SCARA3: variants seen among roughly 807,000 people sequenced by gnomAD.
SCARA3 encodes the protein cellular stress response gene protein.
SCARA3 carries 39 observed loss-of-function variants against 47.0 expected under a neutral mutation model. The observed-to-expected ratio is 0.83, with a 90% CI of 0.64 to 1.08. The LOEUF (loss-of-function observed/expected upper bound fraction) is 1.08. Ranked by LOEUF, SCARA3 falls within the 50% of genes least tolerant of loss-of-function variation. SCARA3 has a pLI of 0.00. For missense variants in SCARA3, 724 were observed against 792.3 expected (o/e 0.91, Z 1.04); for synonymous variants, 356 against 334.1 (o/e 1.07, Z -0.71).
intron 5 of SCARA3, among the ~76,000 whole-genome samples, chr8:27,669,510 C>T (rs570613706): frequency 6.6e-6 from 1 of 152,358 alleles, no homozygotes; most frequent in Non-Finnish European, 1.5e-5. Context: ...CTCCTGCAGG[C>T]CAAGGGCATC....
chr8:27,717,151 G>C, the SCARA3 span, among the ~76,000 whole-genome samples: 1 of 152,120 alleles, frequency 6.6e-6, no homozygotes, highest in African/African-American at 2.4e-5. Context: ...AACCTGACTG[G>C]GTACTTTGCT....
chr8:27,684,685 G>A, the SCARA3 span, among the ~76,000 whole-genome samples: 1 of 150,236 alleles, frequency 6.7e-6, no homozygotes. Flanking sequence ...AAAAGGAAAA[G>A]GAAAAGAAGA....
intron 3 of SCARA3, among the ~76,000 whole-genome samples, chr8:27,656,538 C>A (rs1198206254): frequency 1.3e-5 from 2 of 151,996 alleles, no homozygotes; most frequent in Non-Finnish European, 2.9e-5. Flanking sequence ...TTCCCTGTTC[C>A]ATTCTGTGAT....
chr8:27,646,978 C>CCA (rs1554537184), intron 1 of SCARA3, among the ~76,000 whole-genome samples: 2 of 110,492 alleles, frequency 1.8e-5, no homozygotes, highest in Non-Finnish European at 3.9e-5. Flanking sequence ...CCCCGCCCCC[C>CCA]CCCCGCACAC....
chr8:27,675,723 G>A (rs567978922), downstream of SCARA3, among the ~76,000 whole-genome samples: 4 of 152,304 alleles, frequency 2.6e-5, no homozygotes, highest in East Asian at 7.7e-4. Flanking sequence ...CTGGGAAGTG[G>A]AGGTTGCAGT....
chr8:27,637,354 G>T (rs184711467), intron 1 of SCARA3, among the ~76,000 whole-genome samples: 2 of 152,246 alleles, frequency 1.3e-5, no homozygotes, highest in Non-Finnish European at 2.9e-5. Flanking sequence ...CCACTGGCTT[G>T]TCCAAGCCAT....
chr8:27,642,776 A>G (rs1264065576), intron 1 of SCARA3, among the ~76,000 whole-genome samples: 2 of 152,202 alleles, frequency 1.3e-5, no homozygotes, highest in East Asian at 3.8e-4. Flanking sequence ...CTGAGCCATG[A>G]TCGCACCACA....
the SCARA3 span, among the ~76,000 whole-genome samples, chr8:27,712,315 G>A: frequency 2.6e-5 from 4 of 152,096 alleles, no homozygotes; most frequent in African/African-American, 4.8e-5. Flanking sequence ...TGTAATCCCA[G>A]CACTTTGGGA....
At chr8:27,655,833 T>C (rs1210677746) in intron 3 of SCARA3, among the ~76,000 whole-genome samples, 1 of 152,198 alleles carries the variant, frequency 6.6e-6, no homozygotes, top group Admixed American at 6.5e-5. Context: ...TTAAAGTGAT[T>C]TAACCCTGGA....
chr8:27,667,547 G>A (rs1385423398), intron 5 of SCARA3, among the ~76,000 whole-genome samples: 1 of 152,206 alleles, frequency 6.6e-6, no homozygotes, highest in African/African-American at 2.4e-5. Context: ...TCTCGGGTCT[G>A]GATTGGAATC....
chr8:27,689,455 A>G, the SCARA3 span, among the ~76,000 whole-genome samples: 11 of 152,086 alleles, frequency 7.2e-5, no homozygotes, highest in Non-Finnish European at 8.8e-5. Context: ...CACTGACCCA[A>G]CGCGATGCTG....
intron 1 of SCARA3, among the ~76,000 whole-genome samples, chr8:27,649,454 C>T (rs1214638199): frequency 6.6e-6 from 1 of 152,218 alleles, no homozygotes; most frequent in East Asian, 1.9e-4. Context: ...ACTGAGGTGG[C>T]CCATGTGTCT....
the SCARA3 span, among the ~76,000 whole-genome samples, chr8:27,726,817 A>G: frequency 0.46 from 69,455 of 151,922 alleles, 16,049 homozygotes; most frequent in East Asian, 0.62. Context: ...ATGCGGTCTC[A>G]CTCTGTCACC....
At chr8:27,665,957 G>T (rs1802006888) in intron 5 of SCARA3, among the ~76,000 whole-genome samples, 1 of 152,230 alleles carries the variant, frequency 6.6e-6, no homozygotes, top group Admixed American at 6.5e-5. Flanking sequence ...AAAGGTAGAA[G>T]CCCAAGATGG....
the SCARA3 span, among the ~76,000 whole-genome samples, chr8:27,700,748 C>G: frequency 6.6e-6 from 1 of 152,102 alleles, no homozygotes; most frequent in East Asian, 1.9e-4. Flanking sequence ...CTCTGAGATA[C>G]CACTAGAATG....
chr8:27,679,093 T>A (rs143034008), downstream of SCARA3, among the ~76,000 whole-genome samples: 228 of 152,302 alleles, frequency 1.5e-3, 5 homozygotes, highest in East Asian at 0.022. Context: ...TTGTTGCTTA[T>A]ATTTTATTGT....
the SCARA3 span, among the ~76,000 whole-genome samples, chr8:27,706,704 A>C: frequency 6.6e-6 from 1 of 152,132 alleles, no homozygotes; most frequent in Non-Finnish European, 1.5e-5. Flanking sequence ...GGTGTTGGAG[A>C]GGGAGAATGG....
chr8:27,693,064 G>A, the SCARA3 span, among the ~76,000 whole-genome samples: 15 of 150,806 alleles, frequency 9.9e-5, no homozygotes, highest in African/African-American at 2.9e-4. Flanking sequence ...GGCAGAGGCT[G>A]TAGTGAGCCA....
intron 5 of SCARA3, among the ~76,000 whole-genome samples, chr8:27,662,064 A>G (rs577047598): frequency 6.2e-4 from 94 of 152,294 alleles, no homozygotes; most frequent in African/African-American, 2.0e-3. Flanking sequence ...TGTTCAATGG[A>G]ATCACAGTTG....
Sources: allele counts gnomAD v4.1 joint callset (sites outside exome capture counted in the v4.1 genomes callset), GRCh38; gene constraint gnomAD v4.1.1; transcripts MANE v1.5; gene names NCBI Gene and HGNC (gene_info 2026-07-23, HGNC 2026-07-21).